NEB: variants seen among roughly 807,000 people sequenced by gnomAD.
The protein encoded by NEB is nemaline myopathy type 2.
A neutral mutation model predicts 952.2 loss-of-function variants in NEB; 512 were observed. That is an observed-to-expected ratio of 0.54 (90% CI 0.50 to 0.58). The LOEUF (loss-of-function observed/expected upper bound fraction) is 0.58, where lower values mean the gene tolerates loss of function less well. Ranked by LOEUF, NEB falls within the 20% of genes least tolerant of loss-of-function variation. The pLI, the probability that NEB is intolerant of heterozygous loss-of-function variation, is 0.00. For synonymous variants in NEB, 2,900 were observed against 3,149.8 expected (o/e 0.92, Z 2.66); for missense variants, 8,428 against 9,231.1 (o/e 0.91, Z 3.56).
In NEB at chr2:151,490,179, TG is replaced by T. The variant is rs1327568232; in HGVS notation, c.25298-103del. 47 of 1,199,332 alleles carry T rather than the reference TG, an allele frequency of 3.9e-5. 2 individuals carry two copies. Among genetic ancestry groups the T allele is most frequent in the Non-Finnish European group, 3.1e-5 (26 of 844,670 alleles). The allele number at this position is 1,199,332 out of a possible 1,614,324, so 74.3% of individuals were successfully genotyped here. ...GATGTCTTTTTCCCCCAACTTAGAA[TG>T]ATTTCCAAAAAGAGAAATCAAAGAA... is the stretch of plus-strand genomic sequence containing the variant. On this transcript the variant is annotated intron_variant, in intron 180 of 181. Transcript: ENST00000397345.
rs536677256 is a variant in NEB at position 151,508,078 on chromosome 2, A to G, written c.23378T>C (p.Met7793Thr). 1.9e-5 allele frequency: 30 copies of G among 1,609,832 alleles called. No homozygotes were observed. The East Asian group carries it at 6.2e-4, about 34-fold the overall frequency. Residue 7793 changes from methionine (M) to threonine (T), a missense_variant, in exon 162 of 182, where the codon ATG (methionine) becomes ACG (threonine). Physicochemically the swap from Met to Thr is moderately conservative, Grantham distance 81. This residue lies in a region of NEB where 3,374 missense variants were observed against 3,651.5 expected (regional missense o/e 0.92). Transcript: ENST00000397345. ...GTCCAAAACAGTCTCATAATACGACATGGACTTCTCAGCATCTTCCTTGTA... is the reference window on the plus strand; with the variant it reads ...GTCCAAAACAGTCTCATAATACGACGTGGACTTCTCAGCATCTTCCTTGTA... ...KKYKEDAEKS[M>T]SYYETVLDTP... is the part of the protein sequence containing the mutation.
chr2:151,501,760 A>AAAT (rs1170197582), intron 167 of NEB, among the ~76,000 whole-genome samples: 1 of 152,176 alleles, frequency 6.6e-6, no homozygotes, highest in African/African-American at 2.4e-5. Context: ...CCAGAGTATC[A>AAAT]AATAGCATTC....
At chr2:151,506,478 T>C (rs2068975482) in intron 163 of NEB, 3 of 512,120 alleles carry the variant, frequency 5.9e-6, no homozygotes, top group African/African-American at 1.9e-5. Context: ...TCTTCTAAGA[T>C]TGTGGTATAC....
Position 151,672,403 on chromosome 2 carries a change from T to C in NEB, c.4265A>G (p.Glu1422Gly). The C allele has an allele frequency of 6.2e-7, 1 of 1,610,828 alleles. No homozygotes were observed. The change falls in exon 37 of 182, where the codon GAG becomes GGG. Residue 1422 changes from glutamate to glycine, a missense_variant. Coordinates refer to ENST00000397345, the MANE Select transcript of NEB (RefSeq NM_001164508.2). ...YTYLPDAMSL[E>G]HTRNVNQIQS... ...AATTTGATTGACATTCCTCGTATGCTCAAGACTCATGGCGTCAGGTAGGTA... is the reference window on the plus strand; with the variant it reads ...AATTTGATTGACATTCCTCGTATGCCCAAGACTCATGGCGTCAGGTAGGTA...
At chr2:151,551,585 G>A (rs1390665114) in intron 129 of NEB, among the ~76,000 whole-genome samples, 153 bp downstream of exon 129, 1 of 152,234 alleles carries the variant, frequency 6.6e-6, no homozygotes, top group Non-Finnish European at 1.5e-5. Context: ...TAGGAGGAAA[G>A]ATAGATTATG....
At position 151,490,007 on chromosome 2, in the gene NEB, C is replaced by A. The variant is rs200083849; in HGVS notation, c.25368G>T (p.Thr8456=). 1.2e-6 allele frequency: 2 copies of A among 1,612,288 alleles called. No homozygotes were observed. The highest frequency in any genetic ancestry group is 1.7e-6 in the Non-Finnish European group (2 of 1,178,614). ...ATGGATGAGATGGGATGGAAGATACCGTTGTCTGTTGGGTAGCAACTGAAG... is the reference window on the plus strand; with the variant it reads ...ATGGATGAGATGGGATGGAAGATACAGTTGTCTGTTGGGTAGCAACTGAAG... ...RSSSVATQQT[T]VSSIPSHPST... Residue 8456 remains threonine, a synonymous_variant, in exon 181 of 182, where the codon ACG becomes ACT. Coordinates refer to ENST00000397345, the MANE Select transcript of NEB (RefSeq NM_001164508.2).
Position 151,677,738 on chromosome 2 carries a change from T to C in NEB, c.3601A>G (p.Lys1201Glu). ...CCAATAGGAATCCAGCCAATGCCTT[T>C]CATCCAGTTGTTGTAGTCTTCCTTG... ...VYKEDYNNWM[K>E]GIGWIPIGSL... The change falls in exon 34 of 182, where the codon AAA becomes GAA. Residue 1201 changes from lysine to glutamate, a missense_variant. Coordinates refer to ENST00000397345, the MANE Select transcript of NEB (RefSeq NM_001164508.2). 6.2e-7 allele frequency: 1 copy of C among 1,614,048 alleles called. No homozygotes were observed. Among genetic ancestry groups the C allele is most frequent in the African/African-American group, 1.3e-5 (1 of 75,070 alleles).
rs2098329826 is a variant in NEB at position 151,619,447 on chromosome 2, T to C, written c.10872+4A>G. On this transcript the variant is annotated splice_donor_region_variant and intron_variant, in intron 73 of 181. Transcript: ENST00000397345. Reference sequence around the variant, plus strand: ...CATGCAGAGCTAACATCAAGGAAACTTACGTCACTCTGGAGGTCATAGGCT... The same window carrying C: ...CATGCAGAGCTAACATCAAGGAAACCTACGTCACTCTGGAGGTCATAGGCT... 4 of 1,587,424 alleles carry C rather than the reference T, an allele frequency of 2.5e-6. No homozygotes were observed. The South Asian group carries it at 4.6e-5, about 18-fold the overall frequency.
Position 151,490,489 on chromosome 2 carries a change from A to G in NEB, c.25180T>C (p.Ser8394Pro), listed in dbSNP as rs748186794. 14 of 1,609,396 alleles carry G rather than the reference A, an allele frequency of 8.7e-6. No homozygotes were observed. Among genetic ancestry groups the G allele is most frequent in the East Asian group, 2.2e-5 (1 of 44,740 alleles). ...VQAQRRSREQ[S>P]RSASALSISG... is the part of the protein sequence containing the mutation. ...ATGCTTAGTGCACTGGCAGATCGTG[A>G]CTGCTCCCGGCTCCGGCGCTGAGCT... The change falls in exon 180 of 182, where the codon TCA (serine) becomes CCA (proline). Residue 8394 changes from serine to proline, a missense_variant. Transcript: ENST00000397345.
At chr2:151,554,551 C>G (rs552182544) in intron 125 of NEB, among the ~76,000 whole-genome samples, 3 of 152,174 alleles carry the variant, frequency 2.0e-5, no homozygotes, top group Admixed American at 2.0e-4. Flanking sequence ...CAGAGTGAGA[C>G]CTGTCTTAAA....
chr2:151,707,551 C>T (rs1218552070), intron 12 of NEB, among the ~76,000 whole-genome samples: 4 of 152,134 alleles, frequency 2.6e-5, no homozygotes, highest in Non-Finnish European at 2.9e-5. Flanking sequence ...AGGAGCCTTG[C>T]TTTTCCTTCT....
intron 129 of NEB, among the ~76,000 whole-genome samples, chr2:151,550,723 G>C (rs1055906462): frequency 3.3e-5 from 5 of 152,034 alleles, no homozygotes; most frequent in African/African-American, 1.2e-4. Context: ...CTGCATCCTT[G>C]ACCTCCCTGG....
intron 30 of NEB, among the ~76,000 whole-genome samples, chr2:151,680,439 T>C (rs1413177530): frequency 6.6e-6 from 1 of 152,088 alleles, no homozygotes; most frequent in Non-Finnish European, 1.5e-5. Flanking sequence ...TTCTTTCTGG[T>C]CTTTCCTAGA....
At chr2:151,677,474 T>C (rs1055205657) in intron 34 of NEB, 91 bp downstream of exon 34, 2 of 937,102 alleles carry the variant, frequency 2.1e-6, no homozygotes, top group African/African-American at 3.4e-5. Flanking sequence ...TGGAAAGATA[T>C]TGGCCCAGAA....
At chr2:151,620,345 GTGTA>G (rs1385721566) in intron 72 of NEB, among the ~76,000 whole-genome samples, 2,342 of 87,060 alleles carry the variant, frequency 0.027, 13 homozygotes, top group Non-Finnish European at 0.037. Flanking sequence ...ATGTATGTGT[GTGTA>G]TATATATATA....
intron 117 of NEB, among the ~76,000 whole-genome samples, chr2:151,564,738 T>C (rs888631475): frequency 6.6e-6 from 1 of 152,176 alleles, no homozygotes; most frequent in Non-Finnish European, 1.5e-5. Flanking sequence ...GTTAGATTAT[T>C]ATTCTATCAA....
chr2:151,680,834 T>C lies in NEB; in HGVS notation c.2944-6A>G, dbSNP rs1264255938. 6.3e-7 allele frequency: 1 copy of C among 1,599,016 alleles called. No homozygotes were observed. The highest frequency in any genetic ancestry group is 2.2e-5 in the East Asian group (1 of 44,762). On this transcript the variant is annotated splice_polypyrimidine_tract_variant and splice_region_variant and intron_variant, in intron 29 of 181. Transcript: ENST00000397345. The stretch of plus-strand genomic sequence containing the variant: ...GGATGTTGGCGATATTTTTTCTGTT[T>C]GGCAAATCAAAAAGAGAAAAACAAT...
chr2:151,684,015 T>C (rs2099460066), intron 28 of NEB, among the ~76,000 whole-genome samples: 1 of 152,124 alleles, frequency 6.6e-6, no homozygotes, highest in South Asian at 2.1e-4. Flanking sequence ...CTAGGGTTAG[T>C]CAAACTTAGA....
intron 173 of NEB, 97 bp from the exon 174 acceptor site, chr2:151,494,350 G>T: frequency 2.4e-6 from 2 of 818,724 alleles, no homozygotes; most frequent in Non-Finnish European, 2.0e-6. Flanking sequence ...TATCTTTAGG[G>T]CCCCAAACCA....
Sources: allele counts gnomAD v4.1 joint callset (sites outside exome capture counted in the v4.1 genomes callset), GRCh38; gene constraint gnomAD v4.1.1; regional missense constraint gnomAD v4.1.1; transcripts MANE v1.5; gene names NCBI Gene and HGNC (gene_info 2026-07-23, HGNC 2026-07-21).